Variants in IGSF22 observed in about 807,000 individuals in gnomAD.
IGSF22 encodes immunoglobulin superfamily, member 22.
IGSF22 carries 119 observed loss-of-function variants against 127.0 expected under a neutral mutation model. The observed-to-expected ratio is 0.94, with a 90% CI of 0.81 to 1.09. IGSF22 has a LOEUF of 1.09. Among genes scored for constraint, IGSF22 ranks in the 50% least tolerant of loss-of-function variants. The probability of loss-of-function intolerance (pLI) is 0.00; values close to 1 mark genes in which losing one functional copy is unlikely to be tolerated. For missense variants in IGSF22, 1,518 were observed against 1,716.6 expected, an observed-to-expected ratio of 0.88 and a Z score of 2.04; for synonymous variants, 568 against 664.7, an observed-to-expected ratio of 0.85 and a Z score of 2.24.
chr11:18,716,862 TC>T lies in IGSF22; in HGVS notation c.1111del (p.Asp371ThrfsTer12). 6.2e-7 allele frequency: 1 copy of T among 1,614,220 alleles called. No individual in the cohort carries two copies. The highest frequency in any genetic ancestry group is 1.1e-5 in the South Asian group (1 of 91,082). Reference protein sequence around the residue: ...KFNGKELKRDDKYEITVSEDG... With the variant: ...KFNGKELKRDXKYEITVSEDG... ...TTCGGACACCGTGATTTCATACTTG[TC>T]ATCCCTCTTCAGCTCCTTCCCATTG... On this transcript the variant is annotated frameshift_variant, in exon 10 of 23. Coordinates refer to ENST00000513874, the MANE Select transcript of IGSF22 (RefSeq NM_173588.4). LOFTEE classifies it high-confidence loss of function. This position sits in a 1 kb window ranked among gnomAD's most constrained non-coding sequence, Gnocchi z 4.5.
intron 20 of IGSF22, 76 bp from the exon 21 acceptor site, chr11:18,707,289 G>A (rs1590434992): frequency 7.6e-7 from 1 of 1,312,314 alleles, no homozygotes; most frequent in Non-Finnish European, 1.0e-6. Context: ...CATCTGCCAA[G>A]TCCGATGGAA....
intron 18 of IGSF22, among the ~76,000 whole-genome samples, chr11:18,708,709 A>G (rs1032058310): frequency 2.0e-5 from 3 of 152,242 alleles, no homozygotes; most frequent in African/African-American, 7.2e-5. Flanking sequence ...AGCTTAGATG[A>G]TAACAGTCTT....
In IGSF22 at chr11:18,719,728, TTTC is replaced by T. The variant is rs1464506041; in HGVS notation, c.681_683del (p.Lys228del). On this transcript the variant is annotated inframe_deletion, in exon 7 of 23. Transcript: ENST00000513874. ...GCAGGGTACTTACCTCCACCTCTACTTTCTTCTTCATCTCTTTGAGCTTCCTGA... is the reference window on the plus strand; with the variant it reads ...GCAGGGTACTTACCTCCACCTCTACTTTCTTCATCTCTTTGAGCTTCCTGA... 5 of 1,614,024 alleles carry T rather than the reference TTTC, an allele frequency of 3.1e-6. No homozygotes were observed. In the African/African-American group the frequency reaches 5.3e-5, roughly 17 times the overall value.
In IGSF22 at chr11:18,707,042, C is replaced by T. The variant is rs909877046; in HGVS notation, c.3452G>A (p.Ser1151Asn). The change falls in exon 21 of 23, where the codon AGC (serine) becomes AAC (asparagine). Residue 1151 changes from serine to asparagine, a missense_variant. Around this residue, in one of 3 missense-constraint regions of IGSF22, gnomAD observed 1,456 missense variants for 1,644.9 expected, o/e 0.89. Transcript: ENST00000513874. ...CAGCCCCGTCACTGTGTACTTGTTG[C>T]TGAAGACACGCTCGGCTGCCGTGTA... Reference protein sequence around the residue: ...TWYTAAERVFSNKYTVTGLLP... With the variant: ...TWYTAAERVFNNKYTVTGLLP... 18 of 1,551,666 alleles carry T rather than the reference C, an allele frequency of 1.2e-5. No homozygotes were observed. The highest frequency in any genetic ancestry group is 1.6e-5 in the Non-Finnish European group (18 of 1,146,946).
chr11:18,714,733 A>T, intron 11 of IGSF22, 109 bp from the exon 12 acceptor site: 7 of 1,405,840 alleles, frequency 5.0e-6, no homozygotes, highest in East Asian at 2.5e-5. Context: ...GTGCTGCGTC[A>T]ATCAAAATAA....
intron 16 of IGSF22, 57 bp from the exon 17 acceptor site, chr11:18,710,512 G>A: frequency 6.2e-7 from 1 of 1,607,014 alleles, no homozygotes; most frequent in Non-Finnish European, 8.5e-7. Context: ...GTGAGAACAA[G>A]AGTGAGAGAC....
rs185835510 is a variant in IGSF22 at position 18,706,157 on chromosome 11, G to A, written c.3581-11C>T. The A allele has an allele frequency of 3.0e-4, 454 of 1,529,626 alleles. 1 individual carries two copies. In the African/African-American group the frequency reaches 5.7e-3, roughly 19 times the overall value. The allele number at this position is 1,529,626 out of a possible 1,614,324, so 94.8% of individuals were successfully genotyped here. A position where few individuals can be genotyped will look rare whatever the true frequency, so the allele number is the denominator to read the frequency against. ...CGCTCAGGTCCTGGACTGCGCGGGC[G>A]GGGCGGGGCAGGCCGTGAGGGCGCC... On this transcript the variant is annotated splice_polypyrimidine_tract_variant and intron_variant, in intron 21 of 22. Transcript: ENST00000513874.
At chr11:18,721,751 C>T in intron 3 of IGSF22, 80 bp from the exon 4 acceptor site, 1 of 1,599,522 alleles carries the variant, frequency 6.3e-7, no homozygotes. Flanking sequence ...CTCTCTGCCT[C>T]CTCCCAGACA....
In IGSF22 at chr11:18,709,483, T is replaced by A. The variant is rs1336659756; in HGVS notation, c.2902A>T (p.Arg968Trp). The change falls in exon 18 of 23, where the codon AGG becomes TGG. Residue 968 changes from arginine to tryptophan, a missense_variant. Arg to Trp is a moderately radical substitution (Grantham distance 101, BLOSUM62 -3). Transcript: ENST00000513874. This position sits in a 1 kb window ranked among gnomAD's most constrained non-coding sequence, Gnocchi z 4.8. ...TCYTVGGLIERQKYFFRIRAV... is the reference protein window; with the variant it reads ...TCYTVGGLIEWQKYFFRIRAV... ...CGGATTCGGAAGAAGTATTTCTGCC[T>A]CTCGATGAGTCCTCCCACTGTGTAG... 3 of 1,614,122 alleles carry A rather than the reference T, an allele frequency of 1.9e-6. No individual in the cohort carries two copies. Among genetic ancestry groups the A allele is most frequent in the Non-Finnish European group, 2.5e-6 (3 of 1,180,028 alleles).
intron 14 of IGSF22, 92 bp downstream of exon 14, chr11:18,713,760 A>G: frequency 9.4e-7 from 1 of 1,058,866 alleles, no homozygotes; most frequent in Non-Finnish European, 1.3e-6. Context: ...CTTCAACTCT[A>G]ACTCTGGCCT....
chr11:18,704,607 A>T lies in IGSF22; in HGVS notation c.3911-69T>A, dbSNP rs543078198. 390 of 1,004,484 alleles carry T rather than the reference A, an allele frequency of 3.9e-4. 6 individuals are homozygous for T. The Middle Eastern group carries it at 4.0e-3, about 10-fold the overall frequency. The allele number at this position is 1,004,484 out of a possible 1,614,324, so 62.2% of individuals were successfully genotyped here. A position where few individuals can be genotyped will look rare whatever the true frequency, so the allele number is the denominator to read the frequency against. On this transcript the variant is annotated intron_variant, in intron 22 of 22. Transcript: ENST00000513874. ...GACCAGGGAAATTCCAAACTGCTGG[A>T]CTTCCTATGCAGGAAACCAGGAGCT...
intron 18 of IGSF22, 38 bp from the exon 19 acceptor site, chr11:18,708,333 T>C: frequency 6.8e-7 from 1 of 1,475,970 alleles, no homozygotes; most frequent in South Asian, 1.4e-5. Flanking sequence ...CATGGATCTG[T>C]CTTTCAAGAA....
chr11:18,707,906 A>C lies in IGSF22; in HGVS notation c.3178T>G (p.Phe1060Val). The stretch of plus-strand genomic sequence containing the variant: ...GAGCGCTTGGTGCTATTAATGAGGA[A>C]CTGGGAGTGGTTTTTGCTCTTGGTA... ...TITKSKNHSQ[F>V]LINSTKRSDS... Residue 1060 changes from phenylalanine (F) to valine (V), a missense_variant, in exon 20 of 23, where the codon TTC becomes GTC. Phe to Val is a conservative substitution (Grantham distance 50). Around this residue, in one of 3 missense-constraint regions of IGSF22, gnomAD observed 1,456 missense variants for 1,644.9 expected, o/e 0.89. Transcript: ENST00000513874. 6.2e-7 allele frequency: 1 copy of C among 1,614,198 alleles called. No homozygotes were observed. The highest frequency in any genetic ancestry group is 1.1e-5 in the South Asian group (1 of 91,078).
Position 18,709,530 on chromosome 11 carries a change from T to C in IGSF22, c.2855A>G (p.Lys952Arg). The C allele has an allele frequency of 6.2e-7, 1 of 1,614,208 alleles. No homozygotes were observed. The highest frequency in any genetic ancestry group is 2.2e-5 in the East Asian group (1 of 44,876). Residue 952 changes from lysine to arginine, a missense_variant, in exon 18 of 23, where the codon AAG (lysine) becomes AGG (arginine). Lys to Arg is a conservative substitution (Grantham distance 26). Transcript: ENST00000513874. This position sits in a 1 kb window ranked among gnomAD's most constrained non-coding sequence, Gnocchi z 4.8. Reference protein sequence around the residue: ...EDTKEWSKCTKIPISGTCYTV... With the variant: ...EDTKEWSKCTRIPISGTCYTV... ...GTAGCAGGTGCCTGAGATGGGGATCTTTGTGCACTTGGACCACTCCTTTGT... is the reference window on the plus strand; with the variant it reads ...GTAGCAGGTGCCTGAGATGGGGATCCTTGTGCACTTGGACCACTCCTTTGT...
intron 22 of IGSF22, 144 bp from the exon 23 acceptor site, chr11:18,704,682 G>C (rs1848187893): frequency 4.7e-6 from 3 of 639,466 alleles, no homozygotes; most frequent in Non-Finnish European, 8.4e-6. Context: ...AGGGGCAAGA[G>C]CTGCCATTTA....
At position 18,716,618 on chromosome 11, in the gene IGSF22, G is replaced by A. The variant is rs1848467425; in HGVS notation, c.1246+110C>T. 1 of 1,153,884 alleles carries A rather than the reference G, an allele frequency of 8.7e-7. No homozygotes were observed. Among genetic ancestry groups the A allele is most frequent in the African/African-American group, 1.5e-5 (1 of 65,732 alleles). The allele number at this position is 1,153,884 out of a possible 1,614,324, so 71.5% of individuals were successfully genotyped here. A position where few individuals can be genotyped will look rare whatever the true frequency, so the allele number is the denominator to read the frequency against. Reference sequence around the variant, plus strand: ...CTGTCTTTCCAGTACCTACCACAGGGCTTTGCAAAAAGGAGATGGATGGAT... The same window carrying A: ...CTGTCTTTCCAGTACCTACCACAGGACTTTGCAAAAAGGAGATGGATGGAT... On this transcript the variant is annotated intron_variant, in intron 10 of 22. Coordinates refer to ENST00000513874, the MANE Select transcript of IGSF22 (RefSeq NM_173588.4). This position sits in a 1 kb window ranked among gnomAD's most constrained non-coding sequence, Gnocchi z 4.5.
Position 18,707,100 on chromosome 11 carries a change from T to G in IGSF22, c.3394A>C (p.Ile1132Leu), listed in dbSNP as rs1299035931. ...VQEDGEAHYI[I>L]MKRDASTATW... The stretch of plus-strand genomic sequence containing the variant: ...GCTGTGCTTGCATCCCGCTTCATGA[T>G]GATGTAGTGAGCCTCACCGTCCTCC... Residue 1132 changes from isoleucine to leucine, a missense_variant, in exon 21 of 23, where the codon ATC becomes CTC. This residue lies in a region of IGSF22 where 1,456 missense variants were observed against 1,644.9 expected (regional missense o/e 0.89). Coordinates refer to ENST00000513874, the MANE Select transcript of IGSF22 (RefSeq NM_173588.4). 6.4e-7 allele frequency: 1 copy of G among 1,551,604 alleles called. No homozygotes were observed. The highest frequency in any genetic ancestry group is 8.7e-7 in the Non-Finnish European group (1 of 1,146,992).
chr11:18,723,394 C>T (rs1021601994), intron 2 of IGSF22, among the ~76,000 whole-genome samples: 9 of 152,244 alleles, frequency 5.9e-5, no homozygotes, highest in Non-Finnish European at 1.5e-5. Flanking sequence ...TGCTCTGCCT[C>T]ACTGGCCAGG....
In IGSF22 at chr11:18,718,014, A is replaced by T; in HGVS notation, c.890T>A (p.Ile297Asn). ...KQMGTKYMLV[I>N]SNVNMNDAGI... ...AGCATCGTTCATGTTCACGTTGCTA[A>T]TAACCAGCATGTACTTGGTGCCCAT... The change falls in exon 9 of 23, where the codon ATT (isoleucine) becomes AAT (asparagine). Residue 297 changes from isoleucine to asparagine, a missense_variant. Around this residue, in one of 3 missense-constraint regions of IGSF22, gnomAD observed 1,456 missense variants for 1,644.9 expected, o/e 0.89. Coordinates refer to ENST00000513874, the MANE Select transcript of IGSF22 (RefSeq NM_173588.4). The T allele has an allele frequency of 6.2e-7, 1 of 1,614,226 alleles. No individual in the cohort carries two copies. The highest frequency in any genetic ancestry group is 8.5e-7 in the Non-Finnish European group (1 of 1,180,048).
Sources: gnomAD v4.1 joint callset for allele counts (sites outside exome capture counted in the v4.1 genomes callset) on GRCh38, gnomAD v4.1.1 for gene constraint, gnomAD v4.1.1 regional missense constraint, Gnocchi (gnomAD v3.1) non-coding constraint, MANE v1.5 for transcripts, NCBI Gene and HGNC (gene_info 2026-07-23, HGNC 2026-07-21) for gene names.